LPAR1: variants seen among roughly 807,000 people sequenced by gnomAD.
The protein encoded by LPAR1 is LPA receptor 1.
In LPAR1, 5 loss-of-function variants were observed where a neutral mutation model predicts 23.8. The ratio of observed to expected loss-of-function variants is 0.21; its 90% confidence interval spans 0.11 to 0.44. LPAR1 has a LOEUF of 0.44. Among genes scored for constraint, LPAR1 ranks in the 20% least tolerant of loss-of-function variants. The pLI is 0.99. For missense variants in LPAR1, 311 were observed against 482.8 expected (o/e 0.64, Z 3.33); for synonymous variants, 160 against 164.7 (o/e 0.97, Z 0.22).
At chr9:110,921,947 A>C in intron 5 of LPAR1, among the ~76,000 whole-genome samples, 1 of 152,202 alleles carries the variant, frequency 6.6e-6, no homozygotes, top group Non-Finnish European at 1.5e-5. Context: ...ACCAAACCAC[A>C]TCAGAGCCTA....
chr9:110,899,358 G>C (rs1453787927), intron 5 of LPAR1, among the ~76,000 whole-genome samples: 5 of 152,140 alleles, frequency 3.3e-5, no homozygotes, highest in Non-Finnish European at 7.3e-5. Flanking sequence ...AGAATTTTCA[G>C]AAGTTCATTC....
intron 4 of LPAR1, among the ~76,000 whole-genome samples, chr9:110,955,002 TA>T (rs1481634141): frequency 6.6e-6 from 1 of 151,828 alleles, no homozygotes; most frequent in African/African-American, 2.4e-5. Flanking sequence ...ACCACAATGA[TA>T]AACAGTAAGA....
chr9:111,001,734 C>A (rs1465627331), intron 2 of LPAR1, among the ~76,000 whole-genome samples: 3 of 151,986 alleles, frequency 2.0e-5, no homozygotes, highest in African/African-American at 7.3e-5. Context: ...AAAGCTGCCT[C>A]TATTTCCTGA....
intron 4 of LPAR1, among the ~76,000 whole-genome samples, chr9:110,961,617 CAAAAA>C (rs57773067): frequency 7.5e-5 from 6 of 79,862 alleles, no homozygotes; most frequent in East Asian, 3.8e-4. Flanking sequence ...GAGACTATCT[CAAAAA>C]AAAAAAAAAA....
chr9:111,018,562 G>T lies in LPAR1; in HGVS notation c.-182+17560C>A, dbSNP rs546296813. On this transcript the variant is annotated intron_variant, in intron 2 of 5. Transcript: ENST00000683809. The stretch of plus-strand genomic sequence containing the variant: ...ATTATGCCCAGTAGGATTCCAACTA[G>T]ATAAAATTTACAGAGAAAATATTAA... Among the ~76,000 whole-genome samples the T allele has an allele frequency of 5.9e-5, 9 of 152,204 alleles. No homozygotes were observed. The South Asian group carries it at 1.7e-3, about 28-fold the overall frequency.
intron 4 of LPAR1, among the ~76,000 whole-genome samples, chr9:110,944,847 C>G (rs1052234494): frequency 2.0e-5 from 3 of 152,136 alleles, no homozygotes; most frequent in Admixed American, 1.3e-4. Context: ...TTTCGAAACT[C>G]AATTTTATCA....
intron 2 of LPAR1, among the ~76,000 whole-genome samples, chr9:110,996,544 G>A (rs1304384697): frequency 1.3e-5 from 2 of 152,128 alleles, no homozygotes; most frequent in Admixed American, 6.5e-5. Flanking sequence ...GTGGCTGTGG[G>A]TGCGACCTGA....
At chr9:111,030,108 C>G (rs1006738272) in intron 2 of LPAR1, among the ~76,000 whole-genome samples, 23 of 151,272 alleles carry the variant, frequency 1.5e-4, no homozygotes, top group African/African-American at 4.9e-4. Context: ...CACAGAAGTT[C>G]TCCAAGATAT....
intron 4 of LPAR1, among the ~76,000 whole-genome samples, chr9:110,948,963 T>G (rs977512528): frequency 1.3e-5 from 2 of 150,206 alleles, no homozygotes; most frequent in African/African-American, 4.9e-5. Context: ...AACAAGGAAG[T>G]TTTGTCAAGC....
At chr9:110,972,942 T>C (rs2096466951) in intron 3 of LPAR1, among the ~76,000 whole-genome samples, 1 of 151,496 alleles carries the variant, frequency 6.6e-6, no homozygotes, top group South Asian at 2.1e-4. Flanking sequence ...GAGAGACTCC[T>C]TCTCAAAAAA....
chr9:110,972,735 T>C (rs2096462459), intron 3 of LPAR1, among the ~76,000 whole-genome samples: 1 of 151,924 alleles, frequency 6.6e-6, no homozygotes, highest in Non-Finnish European at 1.5e-5. Flanking sequence ...TTACCTGAGG[T>C]CAGGAGTTTG....
chr9:110,918,489 C>T (rs2093373382), intron 5 of LPAR1, among the ~76,000 whole-genome samples: 2 of 152,162 alleles, frequency 1.3e-5, no homozygotes, highest in Admixed American at 1.3e-4. Context: ...TATGTACAGG[C>T]TCATGATTAC....
At chr9:110,930,511 A>AAAAAAT (rs1042489011) in intron 5 of LPAR1, among the ~76,000 whole-genome samples, 69 of 152,264 alleles carry the variant, frequency 4.5e-4, no homozygotes, top group Non-Finnish European at 8.1e-4. Flanking sequence ...ACTCCATCTC[A>AAAAAAT]AAAAATAAAA....
At chr9:110,973,050 T>C (rs772488586) in intron 3 of LPAR1, among the ~76,000 whole-genome samples, 2 of 152,152 alleles carry the variant, frequency 1.3e-5, no homozygotes, top group Non-Finnish European at 2.9e-5. Context: ...GCACACACAG[T>C]GTGGAATCGC....
At chr9:111,002,877 A>G (rs1220017578) in intron 2 of LPAR1, among the ~76,000 whole-genome samples, 1 of 152,190 alleles carries the variant, frequency 6.6e-6, no homozygotes, top group African/African-American at 2.4e-5. Flanking sequence ...GGTGGCTCAC[A>G]CTTGTAATCC....
intron 5 of LPAR1, among the ~76,000 whole-genome samples, chr9:110,933,259 C>T (rs892728850): frequency 2.6e-5 from 4 of 152,044 alleles, no homozygotes; most frequent in African/African-American, 9.7e-5. Context: ...AGCACCATCT[C>T]GCACATCAAA....
chr9:110,986,871 T>C (rs1379249747), intron 2 of LPAR1, among the ~76,000 whole-genome samples: 1 of 152,138 alleles, frequency 6.6e-6, no homozygotes, highest in African/African-American at 2.4e-5. Context: ...AAATCAATAC[T>C]GAGTGCTTGA....
intron 4 of LPAR1, among the ~76,000 whole-genome samples, chr9:110,954,732 G>T (rs894940675): frequency 3.8e-4 from 57 of 151,974 alleles, no homozygotes; most frequent in African/African-American, 1.3e-3. Context: ...AAAAAAAACT[G>T]CCAGTAAAGA....
chr9:110,920,707 G>C (rs961910736), intron 5 of LPAR1, among the ~76,000 whole-genome samples: 1 of 152,104 alleles, frequency 6.6e-6, no homozygotes, highest in Non-Finnish European at 1.5e-5. Context: ...AGTAATTCAC[G>C]TCATCTCTCT....
Sources: gnomAD v4.1 joint callset for allele counts (sites outside exome capture counted in the v4.1 genomes callset) on GRCh38, gnomAD v4.1.1 for gene constraint, MANE v1.5 for transcripts, NCBI Gene and HGNC (gene_info 2026-07-23, HGNC 2026-07-21) for gene names.